NUBPL: variants seen among roughly 807,000 people sequenced by gnomAD.
The protein encoded by NUBPL is iron-sulfur cluster transfer protein NUBPL.
In NUBPL, 31 loss-of-function variants were observed where a neutral mutation model predicts 45.7. The observed-to-expected ratio is 0.68, with a 90% CI of 0.51 to 0.92. NUBPL has a LOEUF of 0.92. NUBPL is among the 40% of genes least tolerant of loss of function. NUBPL has a pLI of 0.00. For missense variants in NUBPL, 401 were observed against 398.7 expected, an observed-to-expected ratio of 1.01 and a Z score of -0.05; for synonymous variants, 144 against 140.9, an observed-to-expected ratio of 1.02 and a Z score of -0.15.
rs181485230 is a variant in NUBPL, at chr14:31,575,734, A to C, written c.291+10686A>C. On this transcript the variant is annotated intron_variant, in intron 3 of 10. Coordinates refer to ENST00000281081, the MANE Select transcript of NUBPL (RefSeq NM_025152.3). The stretch of plus-strand genomic sequence containing the variant: ...AACCAATTCTTAATACTTTTATTAT[A>C]GCTTGGAAGTAAATACAATACATAA... 2.0e-3 allele frequency among the ~76,000 whole-genome samples: 306 copies of C among 152,324 alleles called. 1 individual carries two copies. The highest frequency in any genetic ancestry group is 6.8e-3 in the African/African-American group (282 of 41,568).
At chr14:31,728,393 C>T (rs1244077591) in intron 6 of NUBPL, among the ~76,000 whole-genome samples, 2 of 152,064 alleles carry the variant, frequency 1.3e-5, no homozygotes, top group African/African-American at 4.8e-5. Flanking sequence ...CTCAGCTTCC[C>T]AAAGTGCTGG....
At chr14:31,736,148 T>C (rs924272880) in intron 6 of NUBPL, among the ~76,000 whole-genome samples, 10 of 152,222 alleles carry the variant, frequency 6.6e-5, no homozygotes, top group South Asian at 2.1e-4. Context: ...GTGCATAGAA[T>C]TTTTTAAATA....
chr14:31,749,267 C>T (rs1035812065), intron 6 of NUBPL, among the ~76,000 whole-genome samples: 1 of 152,104 alleles, frequency 6.6e-6, no homozygotes, highest in Non-Finnish European at 1.5e-5. Flanking sequence ...TTTGATTTCT[C>T]TCTTTTTCAG....
intron 3 of NUBPL, among the ~76,000 whole-genome samples, chr14:31,566,446 T>C (rs2033435846): frequency 6.6e-6 from 1 of 152,118 alleles, no homozygotes; most frequent in Non-Finnish European, 1.5e-5. Flanking sequence ...CAAGACAAAA[T>C]TTTTTCTTAA....
chr14:31,790,626 C>T (rs2039362780), intron 7 of NUBPL, among the ~76,000 whole-genome samples: 1 of 150,632 alleles, frequency 6.6e-6, no homozygotes. Context: ...CTGAGGCAGG[C>T]AGATCACGAG....
chr14:31,772,803 C>A (rs1457941028), intron 6 of NUBPL, among the ~76,000 whole-genome samples: 2 of 152,102 alleles, frequency 1.3e-5, no homozygotes, highest in African/African-American at 4.8e-5. Flanking sequence ...TTAAAATTGT[C>A]TGCTGTTACT....
intron 4 of NUBPL, among the ~76,000 whole-genome samples, chr14:31,614,780 T>C (rs1458960937): frequency 6.6e-6 from 1 of 152,240 alleles, no homozygotes; most frequent in Admixed American, 6.5e-5. Flanking sequence ...GGTCTTTCTC[T>C]GTGAACTTAC....
At chr14:31,746,848 T>C (rs924822463) in intron 6 of NUBPL, among the ~76,000 whole-genome samples, 1 of 151,694 alleles carries the variant, frequency 6.6e-6, no homozygotes, top group African/African-American at 2.4e-5. Context: ...GGTGGGTGGA[T>C]TGTTTGAGCT....
chr14:31,766,274 A>T (rs1428209517), intron 6 of NUBPL, among the ~76,000 whole-genome samples: 2 of 152,228 alleles, frequency 1.3e-5, no homozygotes, highest in African/African-American at 4.8e-5. Flanking sequence ...TGGACCATTG[A>T]GCGCAGGGTA....
chr14:31,758,567 T>A (rs2038726539), intron 6 of NUBPL, among the ~76,000 whole-genome samples: 3 of 152,188 alleles, frequency 2.0e-5, no homozygotes, highest in Admixed American at 6.6e-5. Flanking sequence ...AGATTAAGTT[T>A]TATGTGTGTT....
chr14:31,596,580 A>G (rs538274643), intron 3 of NUBPL, among the ~76,000 whole-genome samples: 1 of 152,194 alleles, frequency 6.6e-6, no homozygotes, highest in Non-Finnish European at 1.5e-5. Context: ...AATGTTGAGT[A>G]GTTACCATAG....
chr14:31,735,324 A>G (rs575584164), intron 6 of NUBPL, among the ~76,000 whole-genome samples: 2 of 152,284 alleles, frequency 1.3e-5, no homozygotes, highest in South Asian at 4.1e-4. Context: ...TAGCTGCTTC[A>G]AACAGTAGAA....
At chr14:31,823,606 G>A (rs990063783) in intron 7 of NUBPL, among the ~76,000 whole-genome samples, 15 of 152,120 alleles carry the variant, frequency 9.9e-5, no homozygotes, top group African/African-American at 3.4e-4. Context: ...CGTTCTAAAA[G>A]CTATTTATAG....
At chr14:31,745,340 T>C (rs2038375010) in intron 6 of NUBPL, among the ~76,000 whole-genome samples, 1 of 150,392 alleles carries the variant, frequency 6.6e-6, no homozygotes, top group Non-Finnish European at 1.5e-5. Flanking sequence ...CTGAGAATGA[T>C]GGTTTCCACC....
chr14:31,821,204 C>T (rs1261810268), intron 7 of NUBPL, among the ~76,000 whole-genome samples: 6 of 151,900 alleles, frequency 3.9e-5, no homozygotes, highest in Admixed American at 6.6e-5. Context: ...GATCACATCA[C>T]GTTAAAAAGC....
chr14:31,606,959 A>G (rs760685733), intron 4 of NUBPL, among the ~76,000 whole-genome samples: 7 of 152,032 alleles, frequency 4.6e-5, no homozygotes, highest in African/African-American at 1.2e-4. Flanking sequence ...GGCTTAGTCA[A>G]CTCTCTTGCT....
At chr14:31,565,420 A>G (rs1234046099) in intron 3 of NUBPL, among the ~76,000 whole-genome samples, 1 of 152,202 alleles carries the variant, frequency 6.6e-6, no homozygotes, top group African/African-American at 2.4e-5. Context: ...AACAAAATTC[A>G]AATGGAATAC....
chr14:31,689,937 T>C (rs1480125311), intron 6 of NUBPL, among the ~76,000 whole-genome samples: 2 of 152,246 alleles, frequency 1.3e-5, no homozygotes, highest in African/African-American at 4.8e-5. Flanking sequence ...CCATTGTTTT[T>C]TTTTTTTGTC....
intron 6 of NUBPL, among the ~76,000 whole-genome samples, chr14:31,746,055 T>C (rs1019417441): frequency 1.4e-4 from 21 of 152,052 alleles, no homozygotes; most frequent in African/African-American, 5.1e-4. Flanking sequence ...TCTAAAAACT[T>C]CTTGGCATTC....
Sources: gnomAD v4.1 joint callset for allele counts (sites outside exome capture counted in the v4.1 genomes callset) on GRCh38, gnomAD v4.1.1 for gene constraint, MANE v1.5 for transcripts, NCBI Gene and HGNC (gene_info 2026-07-23, HGNC 2026-07-21) for gene names.